Variants in ADCY1 observed in about 807,000 individuals in gnomAD.
The protein encoded by ADCY1 is adenylate cyclase type 1.
A neutral mutation model predicts 105.4 loss-of-function variants in ADCY1; 28 were observed. The observed-to-expected ratio is 0.27, with a 90% confidence interval of 0.20 to 0.36. ADCY1 has a LOEUF of 0.36. Among genes scored for constraint, ADCY1 ranks in the 10% least tolerant of loss-of-function variants. The pLI, the probability that ADCY1 is intolerant of heterozygous loss-of-function variation, is 1.00. For synonymous variants in ADCY1, 655 were observed against 623.8 expected (o/e 1.05, Z -0.75); for missense variants, 977 against 1,434.2 (o/e 0.68, Z 5.15).
chr7:45,677,658 C>T (rs890095124), intron 8 of ADCY1, among the ~76,000 whole-genome samples: 5 of 152,146 alleles, frequency 3.3e-5, no homozygotes, highest in African/African-American at 9.7e-5. Context: ...GCCATAAAAC[C>T]GCCATTACAG....
chr7:45,721,165 G>T lies in ADCY1; in HGVS notation c.*7170G>T, dbSNP rs1785463890. Reference sequence around the variant, plus strand: ...GTGGGTTCTGAATGCAGCCAAGGCTGTCCCCGCAATGGGTGAGACTCGCTC... The same window carrying T: ...GTGGGTTCTGAATGCAGCCAAGGCTTTCCCCGCAATGGGTGAGACTCGCTC... On this transcript the variant is annotated 3_prime_UTR_variant, in exon 20 of 20. Coordinates refer to ENST00000297323, the MANE Select transcript of ADCY1 (RefSeq NM_021116.4). 6.6e-6 allele frequency: 1 copy of T among 152,278 alleles called. No individual in the cohort carries two copies. Among genetic ancestry groups the T allele is most frequent in the Admixed American group, 6.5e-5 (1 of 15,286 alleles). 9.4% of individuals were successfully genotyped at this position (152,278 alleles called of 1,614,324 possible). A position where few individuals can be genotyped will look rare whatever the true frequency, so the allele number is the denominator to read the frequency against.
chr7:45,623,181 C>T (rs1362406010), intron 4 of ADCY1, among the ~76,000 whole-genome samples: 1 of 152,210 alleles, frequency 6.6e-6, no homozygotes, highest in Non-Finnish European at 1.5e-5. Flanking sequence ...AGCTGGGGGC[C>T]CAGTTGCTGA....
chr7:45,580,490 C>G (rs1340776968), intron 1 of ADCY1, among the ~76,000 whole-genome samples: 1 of 152,206 alleles, frequency 6.6e-6, no homozygotes, highest in Admixed American at 6.5e-5. Context: ...ATAAGACCTC[C>G]CTTCCTCTGG....
intron 7 of ADCY1, 87 bp downstream of exon 7, chr7:45,660,270 C>T: frequency 6.5e-7 from 1 of 1,528,346 alleles, no homozygotes; most frequent in Non-Finnish European, 8.9e-7. Context: ...CCTGCTTCCT[C>T]TCCAAGCACT....
intron 1 of ADCY1, among the ~76,000 whole-genome samples, chr7:45,592,495 T>C (rs531793262): frequency 7.2e-5 from 11 of 152,298 alleles, no homozygotes; most frequent in Non-Finnish European, 8.8e-5. Context: ...GGTTAGGGCT[T>C]TATGCATTTT....
intron 3 of ADCY1, among the ~76,000 whole-genome samples, chr7:45,614,031 A>G (rs1339280719): frequency 6.6e-6 from 1 of 152,244 alleles, no homozygotes; most frequent in African/African-American, 2.4e-5. Context: ...TTACATTGAA[A>G]TGAAAGGATG....
Position 45,614,761 on chromosome 7 carries a change from G to A in ADCY1, c.908+4264G>A, listed in dbSNP as rs112073084. Among the ~76,000 whole-genome samples the A allele has an allele frequency of 6.8e-3, 1,035 of 152,246 alleles. 8 individuals carry two copies. The highest frequency in any genetic ancestry group is 0.011 in the Non-Finnish European group (768 of 67,998). ...TTGTATCAGAAAAAAGGGACTTTAA[G>A]TCAAAAACTGCCAGAAGAGACAAGA... On this transcript the variant is annotated intron_variant, in intron 3 of 19. Coordinates refer to ENST00000297323, the MANE Select transcript of ADCY1 (RefSeq NM_021116.4).
intron 2 of ADCY1, among the ~76,000 whole-genome samples, chr7:45,605,000 A>G (rs1024418445): frequency 1.3e-5 from 2 of 152,100 alleles, no homozygotes; most frequent in African/African-American, 4.8e-5. Flanking sequence ...GATCTCTTTA[A>G]TCAGTCTTTT....
At chr7:45,697,716 C>T (rs533977688) in intron 14 of ADCY1, among the ~76,000 whole-genome samples, 2 of 152,254 alleles carry the variant, frequency 1.3e-5, no homozygotes, top group Non-Finnish European at 2.9e-5. Flanking sequence ...ATGGCATCCC[C>T]ATCTTGCTTC....
chr7:45,703,815 G>A lies in ADCY1; in HGVS notation c.2718+69G>A, dbSNP rs1380870110. 53 of 1,502,472 alleles carry A rather than the reference G, an allele frequency of 3.5e-5. No individual in the cohort carries two copies. Among genetic ancestry groups the A allele is most frequent in the South Asian group, 4.0e-5 (3 of 74,232 alleles). 93.1% of individuals were successfully genotyped at this position (1,502,472 alleles called of 1,614,324 possible). On this transcript the variant is annotated intron_variant, in intron 16 of 19. Coordinates refer to ENST00000297323, the MANE Select transcript of ADCY1 (RefSeq NM_021116.4). This position sits in a 1 kb window ranked among gnomAD's most constrained non-coding sequence, Gnocchi z 5.9. ...GTGCATCCTGTTGCGTGGGCAGAGC[G>A]TGTCTCACAATATGTCACATTCTTC...
chr7:45,681,959 CT>C (rs1784565260), intron 11 of ADCY1, among the ~76,000 whole-genome samples: 1 of 152,218 alleles, frequency 6.6e-6, no homozygotes, highest in African/African-American at 2.4e-5. Context: ...TCCATGGCCC[CT>C]TGGGACCTTC....
chr7:45,628,075 CCTGGGACACCTTAAGGTGG>C (rs1794115783), intron 4 of ADCY1, among the ~76,000 whole-genome samples: 1 of 152,198 alleles, frequency 6.6e-6, no homozygotes, highest in African/African-American at 2.4e-5. Flanking sequence ...TGTCATGTCA[CCTGGGACACCTTAAGGTGG>C]ATTCTTAGGC....
At chr7:45,646,871 A>C (rs1794677637) in intron 4 of ADCY1, among the ~76,000 whole-genome samples, 1 of 152,198 alleles carries the variant, frequency 6.6e-6, no homozygotes, top group Non-Finnish European at 1.5e-5. Flanking sequence ...CCTCTCTGTG[A>C]CCAGCTCCCT....
At chr7:45,664,024 G>C (rs1034412141) in intron 8 of ADCY1, among the ~76,000 whole-genome samples, 1 of 152,054 alleles carries the variant, frequency 6.6e-6, no homozygotes, top group Non-Finnish European at 1.5e-5. Context: ...AAACATAGGG[G>C]TAAGGGGATT....
Position 45,703,619 on chromosome 7 carries a change from A to C in ADCY1, c.2591A>C (p.Tyr864Ser). The change falls in exon 16 of 20, where the codon TAC becomes TCC. Residue 864 changes from tyrosine (Y) to serine (S), a missense_variant. Coordinates refer to ENST00000297323, the MANE Select transcript of ADCY1 (RefSeq NM_021116.4). The surrounding 1 kb of genome is among the most constrained non-coding windows in gnomAD (Gnocchi z 5.9). ...PRNMDLYYQS[Y>S]SQVGVMFASI... is the part of the protein sequence containing the mutation. The stretch of plus-strand genomic sequence containing the variant: ...TTCCAGGACCTCTACTACCAGTCCT[A>C]CTCCCAGGTGGGCGTCATGTTTGCC... The C allele has an allele frequency of 6.2e-7, 1 of 1,612,730 alleles. No homozygotes were observed. Among genetic ancestry groups the C allele is most frequent in the Non-Finnish European group, 8.5e-7 (1 of 1,179,356 alleles).
At chr7:45,584,324 C>T (rs1462098898) in intron 1 of ADCY1, among the ~76,000 whole-genome samples, 1 of 152,192 alleles carries the variant, frequency 6.6e-6, no homozygotes, top group Non-Finnish European at 1.5e-5. Context: ...TGGTGGCCCC[C>T]ACTTCCTGGG....
At position 45,614,711 on chromosome 7, in the gene ADCY1, C is replaced by G. The variant is rs149018331; in HGVS notation, c.908+4214C>G. 3.1e-3 allele frequency among the ~76,000 whole-genome samples: 472 copies of G among 152,080 alleles called. 3 individuals carry two copies. Among genetic ancestry groups the G allele is most frequent in the Middle Eastern group, 0.017 (5 of 294 alleles). ...GGAGATAGCTCATACCAATGAGACCCCAAATAGAGCAAAGATGGCTGTGCT... is the reference window on the plus strand; with the variant it reads ...GGAGATAGCTCATACCAATGAGACCGCAAATAGAGCAAAGATGGCTGTGCT... On this transcript the variant is annotated intron_variant, in intron 3 of 19. Coordinates refer to ENST00000297323, the MANE Select transcript of ADCY1 (RefSeq NM_021116.4).
chr7:45,696,454 A>AT (rs1784884132), intron 14 of ADCY1, among the ~76,000 whole-genome samples: 2 of 151,708 alleles, frequency 1.3e-5, no homozygotes, highest in African/African-American at 4.8e-5. Context: ...AAAAAAAAAA[A>AT]AAAAAAGGAA....
In ADCY1 at chr7:45,686,534, C is replaced by T. The variant is rs1784677993; in HGVS notation, c.2328-13C>T. 1.2e-6 allele frequency: 2 copies of T among 1,603,960 alleles called. No individual in the cohort carries two copies. Among genetic ancestry groups the T allele is most frequent in the African/African-American group, 1.3e-5 (1 of 74,788 alleles). The stretch of plus-strand genomic sequence containing the variant: ...CGGCACTGACTTGGCTTTTCTTCCT[C>T]ATCTTCCCCCAGGGGTGGTGCCGTC... On this transcript the variant is annotated splice_polypyrimidine_tract_variant and intron_variant, in intron 13 of 19. Coordinates refer to ENST00000297323, the MANE Select transcript of ADCY1 (RefSeq NM_021116.4). This position sits in a 1 kb window ranked among gnomAD's most constrained non-coding sequence, Gnocchi z 4.3.
Sources: gnomAD v4.1 joint callset for allele counts (sites outside exome capture counted in the v4.1 genomes callset) on GRCh38, gnomAD v4.1.1 for gene constraint, Gnocchi (gnomAD v3.1) non-coding constraint, MANE v1.5 for transcripts, NCBI Gene and HGNC (gene_info 2026-07-23, HGNC 2026-07-21) for gene names.